Variants in MARCHF1 observed in about 807,000 individuals in gnomAD.
MARCHF1 encodes E3 ubiquitin-protein ligase MARCHF1.
A neutral mutation model predicts 54.2 loss-of-function variants in MARCHF1; 40 were observed. The ratio of observed to expected loss-of-function variants is 0.74; its 90% CI spans 0.57 to 0.96. The LOEUF (loss-of-function observed/expected upper bound fraction) is 0.96, where lower values mean the gene tolerates loss of function less well. MARCHF1 is among the 40% of genes least tolerant of loss of function. The pLI is 0.00. For synonymous variants in MARCHF1, 236 were observed against 236.3 expected (o/e 1.00, Z 0.01); for missense variants, 586 against 656.5 (o/e 0.89, Z 1.17).
At chr4:164,276,670 A>G (rs1733889870) in intron 1 of MARCHF1, among the ~76,000 whole-genome samples, 1 of 151,042 alleles carries the variant, frequency 6.6e-6, no homozygotes, top group Admixed American at 6.6e-5. Flanking sequence ...TATCCCAAGA[A>G]TGTATACAAT....
At chr4:163,635,785 C>A (rs1200858218) in intron 5 of MARCHF1, among the ~76,000 whole-genome samples, 1 of 152,136 alleles carries the variant, frequency 6.6e-6, no homozygotes, top group Non-Finnish European at 1.5e-5. Flanking sequence ...GGCAGACACA[C>A]AACCAAAAAA....
intron 1 of MARCHF1, among the ~76,000 whole-genome samples, chr4:164,381,942 G>A (rs952683507): frequency 1.1e-4 from 17 of 152,118 alleles, no homozygotes; most frequent in Non-Finnish European, 2.1e-4. Context: ...AGAAGAAAAC[G>A]TTGCTGACAA....
At chr4:164,031,900 G>A (rs1198234752) in intron 2 of MARCHF1, among the ~76,000 whole-genome samples, 2 of 152,290 alleles carry the variant, frequency 1.3e-5, no homozygotes, top group Admixed American at 1.3e-4. Flanking sequence ...AATTTCAGAA[G>A]GAATAGTACC....
At chr4:164,186,946 A>G (rs1044488841) in intron 1 of MARCHF1, among the ~76,000 whole-genome samples, 8 of 152,270 alleles carry the variant, frequency 5.3e-5, no homozygotes, top group Admixed American at 2.6e-4. Context: ...TTGTGAATCA[A>G]TTATTTATAA....
intron 1 of MARCHF1, among the ~76,000 whole-genome samples, chr4:164,270,880 G>A (rs999647918): frequency 2.0e-5 from 3 of 152,088 alleles, no homozygotes; most frequent in Non-Finnish European, 2.9e-5. Context: ...TCTAAAATGT[G>A]TATAGAAGAC....
chr4:164,113,555 C>T (rs769773526), intron 1 of MARCHF1, among the ~76,000 whole-genome samples: 3 of 151,880 alleles, frequency 2.0e-5, no homozygotes, highest in Admixed American at 6.6e-5. Flanking sequence ...TGGTCAGCAC[C>T]GGCGTTCTTA....
intron 5 of MARCHF1, among the ~76,000 whole-genome samples, chr4:163,691,037 G>A (rs1370953088): frequency 1.3e-5 from 2 of 152,176 alleles, no homozygotes; most frequent in South Asian, 2.1e-4. Context: ...AGTATTATAA[G>A]TATATAAGGC....
In MARCHF1 at chr4:164,117,061, C is replaced by T. The variant is rs531456402; in HGVS notation, c.-322-5399G>A. ...TCATTTGAGGTCAGGAGTTTGAAACCAGCCTGGCCAACATGGTGAAACCTC... is the reference window on the plus strand; with the variant it reads ...TCATTTGAGGTCAGGAGTTTGAAACTAGCCTGGCCAACATGGTGAAACCTC... On this transcript the variant is annotated intron_variant, in intron 1 of 9. Transcript: ENST00000514618. 4.5e-4 allele frequency among the ~76,000 whole-genome samples: 69 copies of T among 151,812 alleles called. 1 individual carries two copies. The highest frequency in any genetic ancestry group is 8.4e-4 in the Non-Finnish European group (57 of 67,924).
intron 3 of MARCHF1, among the ~76,000 whole-genome samples, chr4:163,907,565 G>A (rs1434003111): frequency 6.6e-6 from 1 of 151,980 alleles, no homozygotes; most frequent in African/African-American, 2.4e-5. Context: ...TTTGCCTAGG[G>A]TTTTTACTTC....
intron 1 of MARCHF1, among the ~76,000 whole-genome samples, chr4:164,264,491 A>T (rs1733553038): frequency 6.6e-6 from 1 of 152,182 alleles, no homozygotes; most frequent in South Asian, 2.1e-4. Flanking sequence ...GTTAAAAAAA[A>T]AAAAGAAAAT....
intron 2 of MARCHF1, among the ~76,000 whole-genome samples, chr4:164,021,560 C>G (rs564461111): frequency 2.0e-5 from 3 of 149,250 alleles, no homozygotes; most frequent in African/African-American, 7.4e-5. Context: ...TCCCAAAACT[C>G]TTTGCCTGAC....
chr4:163,610,431 A>T (rs1465905272), intron 7 of MARCHF1, among the ~76,000 whole-genome samples: 1 of 152,092 alleles, frequency 6.6e-6, no homozygotes, highest in Non-Finnish European at 1.5e-5. Flanking sequence ...TGTCTTTGAA[A>T]ATGTTTCTCC....
chr4:164,075,077 A>G (rs1754949680), intron 2 of MARCHF1, among the ~76,000 whole-genome samples: 1 of 152,150 alleles, frequency 6.6e-6, no homozygotes, highest in African/African-American at 2.4e-5. Context: ...CTTTCTTTAA[A>G]ACATGAAATC....
At chr4:164,279,322 G>A (rs62348050) in intron 1 of MARCHF1, among the ~76,000 whole-genome samples, 59,000 of 150,978 alleles carry the variant, frequency 0.39, 13,388 homozygotes, top group Non-Finnish European at 0.52. Flanking sequence ...GAAAAAACAA[G>A]GGAAATATAA....
chr4:164,367,981 T>C (rs1730924567), intron 1 of MARCHF1, among the ~76,000 whole-genome samples: 1 of 151,454 alleles, frequency 6.6e-6, no homozygotes, highest in Non-Finnish European at 1.5e-5. Context: ...AATACACCCC[T>C]TGAAGTACAC....
chr4:163,879,828 T>TGTGTGTGTGC (rs1300003635), intron 3 of MARCHF1, among the ~76,000 whole-genome samples: 1 of 151,778 alleles, frequency 6.6e-6, no homozygotes, highest in Non-Finnish European at 1.5e-5. Context: ...TGTGTGTGTG[T>TGTGTGTGTGC]GTGTGTAGCT....
Position 164,119,900 on chromosome 4 carries a change from T to C in MARCHF1, c.-322-8238A>G, listed in dbSNP as rs371494532. Among the ~76,000 whole-genome samples, 184 of 152,008 alleles carry C rather than the reference T, an allele frequency of 1.2e-3. 1 individual carries two copies. The highest frequency in any genetic ancestry group is 4.3e-3 in the African/African-American group (177 of 41,530). On this transcript the variant is annotated intron_variant, in intron 1 of 9. Transcript: ENST00000514618. ...AACAAGAATCAGATTTTTTCACAAA[T>C]GAAATCAATCATTCATAGACCTAAT...
intron 5 of MARCHF1, among the ~76,000 whole-genome samples, chr4:163,660,555 G>T (rs866244548): frequency 2.0e-5 from 3 of 150,224 alleles, no homozygotes; most frequent in Admixed American, 2.0e-4. Context: ...ATGTATCCCA[G>T]AACTTAAAGT....
At chr4:164,067,489 C>T (rs983705991) in intron 2 of MARCHF1, among the ~76,000 whole-genome samples, 2 of 152,134 alleles carry the variant, frequency 1.3e-5, no homozygotes, top group African/African-American at 2.4e-5. Context: ...GAAGAGGACT[C>T]CTTATTCAAT....
Sources: allele counts gnomAD v4.1 joint callset (sites outside exome capture counted in the v4.1 genomes callset), GRCh38; gene constraint gnomAD v4.1.1; transcripts MANE v1.5; gene names NCBI Gene and HGNC (gene_info 2026-07-23, HGNC 2026-07-21).